CALN1: variants seen among roughly 807,000 people sequenced by gnomAD.
CALN1 encodes calcium-binding protein 8.
In CALN1, 17 loss-of-function variants were observed where a neutral mutation model predicts 30.6. The observed-to-expected ratio is 0.56, with a 90% CI of 0.38 to 0.83. CALN1 has a LOEUF of 0.83. Ranked by LOEUF, CALN1 falls within the 40% of genes least tolerant of loss-of-function variation. The pLI, the probability that CALN1 is intolerant of heterozygous loss-of-function variation, is 0.00. For synonymous variants in CALN1, 156 were observed against 131.4 expected (o/e 1.19, Z -1.28); for missense variants, 291 against 354.9 (o/e 0.82, Z 1.45).
At chr7:72,151,317 T>C (rs1257610944) in intron 3 of CALN1, among the ~76,000 whole-genome samples, 1 of 151,786 alleles carries the variant, frequency 6.6e-6, no homozygotes, top group Non-Finnish European at 1.5e-5. Context: ...TGCCTTCATC[T>C]TCACGCAATC....
At chr7:72,309,832 C>A (rs992438385) in intron 2 of CALN1, among the ~76,000 whole-genome samples, 1 of 152,168 alleles carries the variant, frequency 6.6e-6, no homozygotes. Context: ...CCTTCATCAC[C>A]AGGTCCAGGG....
chr7:72,178,782 T>C (rs978804457), intron 3 of CALN1, among the ~76,000 whole-genome samples: 1 of 152,198 alleles, frequency 6.6e-6, no homozygotes, highest in African/African-American at 2.4e-5. Context: ...TAGATGTCTA[T>C]TTCAATTAGG....
At chr7:72,417,381 A>G (rs1585706704) in intron 1 of CALN1, among the ~76,000 whole-genome samples, 1 of 152,208 alleles carries the variant, frequency 6.6e-6, no homozygotes, top group East Asian at 1.9e-4. Context: ...AACCACAACC[A>G]GTTTGTGTGG....
chr7:72,230,990 A>G (rs1794056686), intron 3 of CALN1, among the ~76,000 whole-genome samples: 1 of 152,090 alleles, frequency 6.6e-6, no homozygotes, highest in Non-Finnish European at 1.5e-5. Context: ...ATCTTATACC[A>G]TCCCAAACTG....
chr7:72,190,440 G>A (rs1311698550), intron 3 of CALN1, among the ~76,000 whole-genome samples: 5 of 152,182 alleles, frequency 3.3e-5, no homozygotes, highest in African/African-American at 1.2e-4. Context: ...TTCAAGATGA[G>A]GGAAGTGACA....
intron 5 of CALN1, among the ~76,000 whole-genome samples, chr7:72,004,797 GCAAAA>G (rs982010889): frequency 1.3e-5 from 2 of 151,938 alleles, no homozygotes; most frequent in South Asian, 2.1e-4. Flanking sequence ...AAACTCAAGA[GCAAAA>G]CAAAACAAAA....
intron 3 of CALN1, among the ~76,000 whole-genome samples, chr7:72,253,003 T>C (rs1191520950): frequency 6.6e-6 from 1 of 152,198 alleles, no homozygotes; most frequent in African/African-American, 2.4e-5. Context: ...GTCTCATTTT[T>C]ACAAGTGGGG....
chr7:72,035,839 G>A (rs1019832220), intron 4 of CALN1, among the ~76,000 whole-genome samples: 1 of 152,124 alleles, frequency 6.6e-6, no homozygotes, highest in African/African-American at 2.4e-5. Flanking sequence ...ACGCATTAAT[G>A]TCTTAAATTA....
chr7:72,423,455 C>T (rs961487879), intron 1 of CALN1, among the ~76,000 whole-genome samples: 3 of 152,192 alleles, frequency 2.0e-5, no homozygotes, highest in African/African-American at 7.2e-5. Flanking sequence ...AGCTGTCTCT[C>T]CTCCAAACAG....
At chr7:72,325,251 T>C (rs181134517) in intron 2 of CALN1, among the ~76,000 whole-genome samples, 1 of 152,284 alleles carries the variant, frequency 6.6e-6, no homozygotes, top group African/African-American at 2.4e-5. Flanking sequence ...TGAGCCATGA[T>C]TGTGACTCTG....
chr7:72,191,545 T>G (rs1790602168), intron 3 of CALN1, among the ~76,000 whole-genome samples: 1 of 100,848 alleles, frequency 9.9e-6, no homozygotes, highest in African/African-American at 4.3e-5. Context: ...GAGGTGAGAC[T>G]CCGTCTCAAA....
intron 2 of CALN1, among the ~76,000 whole-genome samples, chr7:72,396,242 A>AG (rs1369434203): frequency 2.1e-5 from 2 of 93,200 alleles, no homozygotes; most frequent in African/African-American, 1.4e-4. Context: ...TACTAAAAAA[A>AG]AAAAAAAAAA....
At chr7:71,891,516 C>T (rs1584458032) in intron 5 of CALN1, among the ~76,000 whole-genome samples, 1 of 152,166 alleles carries the variant, frequency 6.6e-6, no homozygotes, top group South Asian at 2.1e-4. Flanking sequence ...TGTTGTCTTT[C>T]GGGAAGCTAC....
intron 3 of CALN1, among the ~76,000 whole-genome samples, chr7:72,164,193 C>A (rs1788345876): frequency 6.6e-6 from 1 of 151,692 alleles, no homozygotes; most frequent in African/African-American, 2.4e-5. Context: ...CATGGCTAAA[C>A]CTCATCTCTA....
In CALN1 at chr7:72,169,973, G is replaced by T. The variant is rs182668666; in HGVS notation, c.245-63679C>A. ...CTCCCGAAGTGCTGGGATTACGGGC[G>T]TGAGACACCGCACCTGGCCAATTTT... On this transcript the variant is annotated intron_variant, in intron 3 of 6. Coordinates refer to ENST00000395275, the MANE Select transcript of CALN1 (RefSeq NM_031468.4). Among the ~76,000 whole-genome samples the T allele has an allele frequency of 2.0e-3, 306 of 151,472 alleles. 1 individual carries two copies. The highest frequency in any genetic ancestry group is 7.2e-3 in the African/African-American group (296 of 41,260).
Position 71,831,108 on chromosome 7 carries a change from A to C in CALN1, c.502-20616T>G, listed in dbSNP as rs1332142700. On this transcript the variant is annotated intron_variant, in intron 5 of 6. Transcript: ENST00000395275. ...TAATCTAGGATGGATTCTGCCACTA[A>C]CTAGTTGCGTACCCTGAAGCAGGTC... Among the ~76,000 whole-genome samples, 3 of 152,104 alleles carry C rather than the reference A, an allele frequency of 2.0e-5. No individual in the cohort carries two copies. In the East Asian group the frequency reaches 5.8e-4, roughly 29 times the overall value.
intron 5 of CALN1, among the ~76,000 whole-genome samples, chr7:72,000,254 A>T (rs1799460701): frequency 1.3e-5 from 2 of 152,150 alleles, no homozygotes; most frequent in Non-Finnish European, 2.9e-5. Context: ...TTTTTCAAAA[A>T]AAAAGAATAA....
At chr7:71,876,054 T>TGC (rs1011817437) in intron 5 of CALN1, among the ~76,000 whole-genome samples, 1 of 152,152 alleles carries the variant, frequency 6.6e-6, no homozygotes, top group African/African-American at 2.4e-5. Context: ...TGACTCCCTC[T>TGC]GCTTCATGGT....
chr7:72,199,262 G>A (rs939454070), intron 3 of CALN1, among the ~76,000 whole-genome samples: 8 of 152,052 alleles, frequency 5.3e-5, no homozygotes, highest in Admixed American at 6.6e-5. Flanking sequence ...ATGACAGAGC[G>A]AGACCCTGTC....
Sources: allele counts gnomAD v4.1 joint callset (sites outside exome capture counted in the v4.1 genomes callset), GRCh38; gene constraint gnomAD v4.1.1; transcripts MANE v1.5; gene names NCBI Gene and HGNC (gene_info 2026-07-23, HGNC 2026-07-21).